Variants in ANGPT2 observed in about 807,000 individuals in gnomAD.
The protein encoded by ANGPT2 is angiopoietin 2.
A neutral mutation model predicts 62.9 loss-of-function variants in ANGPT2; 28 were observed. That is an observed-to-expected ratio of 0.44 (90% CI 0.33 to 0.61). The LOEUF (loss-of-function observed/expected upper bound fraction) is 0.61. ANGPT2 is among the 20% of genes least tolerant of loss of function. The probability of loss-of-function intolerance (pLI) is 0.03; values close to 1 mark genes in which losing one functional copy is unlikely to be tolerated. For synonymous variants in ANGPT2, 284 were observed against 207.8 expected (o/e 1.37, Z -3.15); for missense variants, 727 against 594.9 (o/e 1.22, Z -2.31).
intron 1 of ANGPT2, among the ~76,000 whole-genome samples, chr8:6,550,836 T>A (rs986503416): frequency 1.2e-4 from 18 of 152,266 alleles, no homozygotes; most frequent in African/African-American, 4.3e-4. Context: ...GCACATGGCG[T>A]GCACCTGATA....
At chr8:6,524,631 A>T (rs1259167358) in intron 3 of ANGPT2, among the ~76,000 whole-genome samples, 1 of 152,240 alleles carries the variant, frequency 6.6e-6, no homozygotes, top group African/African-American at 2.4e-5. Context: ...GTTTTGGAGA[A>T]AAATCAAGAA....
In ANGPT2 at chr8:6,562,573, G is replaced by A. The variant is rs1162845190; in HGVS notation, c.288+74C>T. Reference sequence around the variant, plus strand: ...CCTTCTTTTTTTTTTTTTTTTTTTGGTTGTTAAAACCTGAGCTGCTGCCAA... The same window carrying A: ...CCTTCTTTTTTTTTTTTTTTTTTTGATTGTTAAAACCTGAGCTGCTGCCAA... On this transcript the variant is annotated intron_variant, in intron 1 of 8. Coordinates refer to ENST00000629816, the MANE Select transcript of ANGPT2 (RefSeq NM_001118887.2). 24 of 81,164 alleles carry A rather than the reference G, an allele frequency of 3.0e-4. No individual in the cohort carries two copies. The South Asian group carries it at 7.7e-3, about 26-fold the overall frequency. 5.0% of individuals were successfully genotyped at this position (81,164 alleles called of 1,614,324 possible). A position where few individuals can be genotyped will look rare whatever the true frequency, so the allele number is the denominator to read the frequency against.
intron 2 of ANGPT2, among the ~76,000 whole-genome samples, chr8:6,529,943 G>A (rs1473397374): frequency 2.6e-5 from 4 of 151,516 alleles, no homozygotes; most frequent in African/African-American, 7.3e-5. Context: ...GTCTCTGACC[G>A]CTATAGGATG....
chr8:6,560,626 C>T (rs186895506), intron 1 of ANGPT2, among the ~76,000 whole-genome samples: 165 of 152,216 alleles, frequency 1.1e-3, no homozygotes, highest in African/African-American at 3.7e-3. Flanking sequence ...CTTGGGGAAA[C>T]GGTATTTAGC....
intron 3 of ANGPT2, among the ~76,000 whole-genome samples, chr8:6,523,675 C>T (rs1476050995): frequency 6.6e-6 from 1 of 152,122 alleles, no homozygotes; most frequent in Non-Finnish European, 1.5e-5. Flanking sequence ...CTGCAACCTC[C>T]GCCTCCCGGA....
At chr8:6,520,239 C>T (rs1817056334) in intron 4 of ANGPT2, among the ~76,000 whole-genome samples, 1 of 152,188 alleles carries the variant, frequency 6.6e-6, no homozygotes, top group Non-Finnish European at 1.5e-5. Flanking sequence ...ATAATCCAAA[C>T]TTCCTTTGCT....
intron 5 of ANGPT2, among the ~76,000 whole-genome samples, chr8:6,517,984 A>G (rs1816596517): frequency 6.6e-6 from 1 of 152,208 alleles, no homozygotes; most frequent in Non-Finnish European, 1.5e-5. Context: ...TTTAAAGGGA[A>G]TATAAATCCT....
At chr8:6,535,393 C>G (rs1009903574) in intron 1 of ANGPT2, among the ~76,000 whole-genome samples, 1 of 152,110 alleles carries the variant, frequency 6.6e-6, no homozygotes, top group Non-Finnish European at 1.5e-5. Context: ...AATTTCTTAA[C>G]CTGCCATATT....
intron 8 of ANGPT2, 132 bp downstream of exon 8, chr8:6,508,800 C>G (rs1011084239): frequency 1.1e-5 from 14 of 1,269,976 alleles, no homozygotes; most frequent in East Asian, 4.6e-5. Context: ...TTACCTATAT[C>G]AAGCTAGTGT....
At chr8:6,508,833 A>C (rs747836588) in intron 8 of ANGPT2, 99 bp downstream of exon 8, 7 of 1,523,938 alleles carry the variant, frequency 4.6e-6, no homozygotes, top group Non-Finnish European at 5.4e-6. Context: ...AATTGTGGAC[A>C]TCGTTACAAA....
chr8:6,503,387 G>A, intron 8 of ANGPT2, 126 bp from the exon 9 acceptor site: 1 of 893,892 alleles, frequency 1.1e-6, no homozygotes, highest in Admixed American at 2.1e-5. Flanking sequence ...TGCAGATGAT[G>A]GTGAGTATAG....
At chr8:6,561,661 G>C (rs559725415) in intron 1 of ANGPT2, among the ~76,000 whole-genome samples, 1 of 152,142 alleles carries the variant, frequency 6.6e-6, no homozygotes, top group Non-Finnish European at 1.5e-5. Flanking sequence ...GCATCATCAT[G>C]CTACTTAACA....
At chr8:6,530,508 CAAAAAAAAAAAA>C (rs55729820) in intron 2 of ANGPT2, among the ~76,000 whole-genome samples, 1 of 98,050 alleles carries the variant, frequency 1.0e-5, no homozygotes, top group African/African-American at 3.6e-5. Flanking sequence ...GACTCTGTCT[CAAAAAAAAAAAA>C]AAAAAAAAAA....
intron 1 of ANGPT2, among the ~76,000 whole-genome samples, chr8:6,542,917 A>C (rs958385118): frequency 3.9e-5 from 6 of 152,218 alleles, no homozygotes; most frequent in Non-Finnish European, 7.3e-5. Context: ...ATTTTCTAGA[A>C]GACATTTTCC....
At chr8:6,537,794 G>C (rs1820775761) in intron 1 of ANGPT2, among the ~76,000 whole-genome samples, 2 of 152,012 alleles carry the variant, frequency 1.3e-5, no homozygotes, top group Admixed American at 1.3e-4. Context: ...GCTCAGTAAA[G>C]GAAAACATAG....
intron 2 of ANGPT2, 147 bp downstream of exon 2, chr8:6,532,185 A>G: frequency 1.1e-6 from 1 of 931,732 alleles, no homozygotes; most frequent in Middle Eastern, 3.1e-4. Context: ...GCAGCCATAC[A>G]TCCTTAATTT....
chr8:6,531,664 AACT>A (rs1208093269), intron 2 of ANGPT2, among the ~76,000 whole-genome samples: 1 of 152,136 alleles, frequency 6.6e-6, no homozygotes, highest in Non-Finnish European at 1.5e-5. Flanking sequence ...GTGGAAAGAG[AACT>A]TAGCAATCAC....
At chr8:6,530,682 T>C (rs1402241505) in intron 2 of ANGPT2, among the ~76,000 whole-genome samples, 1 of 152,208 alleles carries the variant, frequency 6.6e-6, no homozygotes, top group Non-Finnish European at 1.5e-5. Context: ...AATATTTATG[T>C]ATGTTTTTCT....
intron 1 of ANGPT2, among the ~76,000 whole-genome samples, chr8:6,550,023 C>T (rs1823344539): frequency 6.6e-6 from 1 of 152,184 alleles, no homozygotes; most frequent in African/African-American, 2.4e-5. Context: ...GGACGGGGGA[C>T]GTGCTGTGAA....
Sources: gnomAD v4.1 joint callset for allele counts (sites outside exome capture counted in the v4.1 genomes callset) on GRCh38, gnomAD v4.1.1 for gene constraint, MANE v1.5 for transcripts, NCBI Gene and HGNC (gene_info 2026-07-23, HGNC 2026-07-21) for gene names.